Variants in DCBLD2 observed in about 807,000 individuals in gnomAD.
DCBLD2 encodes discoidin, CUB and LCCL domain containing 2.
DCBLD2 carries 54 observed loss-of-function variants against 86.8 expected under a neutral mutation model. The ratio of observed to expected loss-of-function variants is 0.62; its 90% CI spans 0.50 to 0.78. The LOEUF (loss-of-function observed/expected upper bound fraction) is 0.78, where lower values mean the gene tolerates loss of function less well. DCBLD2 is among the 30% of genes least tolerant of loss of function. The pLI is 0.00. For synonymous variants in DCBLD2, 354 were observed against 341.3 expected (o/e 1.04, Z -0.41); for missense variants, 908 against 954.2 (o/e 0.95, Z 0.64).
At chr3:98,854,570 A>C (rs1181068252) in intron 2 of DCBLD2, among the ~76,000 whole-genome samples, 1 of 152,228 alleles carries the variant, frequency 6.6e-6, no homozygotes, top group Admixed American at 6.5e-5. Flanking sequence ...AATGGGACAT[A>C]ACAGATATTT....
At chr3:98,898,494 C>T (rs1424272042) in intron 1 of DCBLD2, among the ~76,000 whole-genome samples, 1 of 151,588 alleles carries the variant, frequency 6.6e-6, no homozygotes, top group Non-Finnish European at 1.5e-5. Flanking sequence ...ATGCGAATTA[C>T]AGAAAATTTA....
intron 2 of DCBLD2, among the ~76,000 whole-genome samples, chr3:98,853,799 C>G (rs1391463586): frequency 6.6e-6 from 1 of 152,184 alleles, no homozygotes; most frequent in Admixed American, 6.5e-5. Flanking sequence ...GAAGCTCATT[C>G]AACTTCCTGA....
At chr3:98,885,342 T>G (rs1943542636) in intron 1 of DCBLD2, among the ~76,000 whole-genome samples, 1 of 152,110 alleles carries the variant, frequency 6.6e-6, no homozygotes, top group Non-Finnish European at 1.5e-5. Flanking sequence ...ATAAATAGCT[T>G]AACTAAGCAC....
chr3:98,839,117 CT>C (rs758970392), intron 3 of DCBLD2, among the ~76,000 whole-genome samples: 60 of 109,082 alleles, frequency 5.5e-4, no homozygotes, highest in African/African-American at 1.7e-3. Context: ...TTCTTTCTTT[CT>C]TTTTCTTTCT....
chr3:98,818,859 G>C (rs1437723462), intron 8 of DCBLD2, among the ~76,000 whole-genome samples: 2 of 152,120 alleles, frequency 1.3e-5, no homozygotes, highest in Non-Finnish European at 2.9e-5. Flanking sequence ...TTGAGGTTTT[G>C]GGACTCGGAA....
chr3:98,841,243 A>T (rs1291767232), intron 3 of DCBLD2, among the ~76,000 whole-genome samples: 1 of 152,216 alleles, frequency 6.6e-6, no homozygotes, highest in Non-Finnish European at 1.5e-5. Flanking sequence ...AGGCAAGCCA[A>T]TAATCAATAA....
chr3:98,861,789 G>T (rs1042766017), intron 2 of DCBLD2, among the ~76,000 whole-genome samples: 2 of 151,944 alleles, frequency 1.3e-5, no homozygotes, highest in African/African-American at 2.4e-5. Flanking sequence ...ATCTAAAATG[G>T]ACACCCTAAC....
intron 3 of DCBLD2, among the ~76,000 whole-genome samples, chr3:98,838,892 C>A (rs1360010590): frequency 2.0e-5 from 3 of 151,894 alleles, no homozygotes; most frequent in African/African-American, 7.3e-5. Flanking sequence ...CAAAACCAGT[C>A]AGGCGTGGCG....
At chr3:98,836,634 C>T (rs1942458470) in intron 3 of DCBLD2, among the ~76,000 whole-genome samples, 2 of 139,792 alleles carry the variant, frequency 1.4e-5, no homozygotes, top group African/African-American at 2.6e-5. Context: ...GGGCGGCTGG[C>T]CGGGCAGAGG....
At chr3:98,834,889 A>G (rs1304316383) in intron 3 of DCBLD2, among the ~76,000 whole-genome samples, 1 of 151,766 alleles carries the variant, frequency 6.6e-6, no homozygotes, top group African/African-American at 2.4e-5. Context: ...GCCTGTCATA[A>G]TCCCAACTGA....
intron 2 of DCBLD2, among the ~76,000 whole-genome samples, chr3:98,869,334 T>C (rs1308642902): frequency 6.6e-6 from 1 of 152,252 alleles, no homozygotes; most frequent in Non-Finnish European, 1.5e-5. Flanking sequence ...CCTTGTAGAT[T>C]ACGGACATTA....
intron 2 of DCBLD2, among the ~76,000 whole-genome samples, chr3:98,876,619 C>G (rs1378249016): frequency 6.6e-6 from 1 of 152,098 alleles, no homozygotes; most frequent in African/African-American, 2.4e-5. Context: ...GAAATGCAAA[C>G]TGGTATAACT....
In DCBLD2 at chr3:98,850,362, A is replaced by C. The variant is rs544856336; in HGVS notation, c.434-764T>G. 3.3e-5 allele frequency among the ~76,000 whole-genome samples: 5 copies of C among 152,304 alleles called. No individual in the cohort carries two copies. In the East Asian group the frequency reaches 5.8e-4, roughly 18 times the overall value. ...AAACAAACATAAATAAATCACAAAAAAATCTCATGTTTTAAGAAAGTTTAT... is the reference window on the plus strand; with the variant it reads ...AAACAAACATAAATAAATCACAAAACAATCTCATGTTTTAAGAAAGTTTAT... On this transcript the variant is annotated intron_variant, in intron 2 of 15. Transcript: ENST00000326840.
chr3:98,880,173 G>A (rs1220630651), intron 2 of DCBLD2, among the ~76,000 whole-genome samples: 2 of 152,166 alleles, frequency 1.3e-5, no homozygotes, highest in African/African-American at 4.8e-5. Context: ...TCAGCAGCCT[G>A]GGAGATAGGG....
At chr3:98,806,959 C>T (rs1941850687) in intron 13 of DCBLD2, among the ~76,000 whole-genome samples, 2 of 152,136 alleles carry the variant, frequency 1.3e-5, no homozygotes, top group South Asian at 4.1e-4. Flanking sequence ...TTTCCTAACT[C>T]ATCTTGCTAA....
At chr3:98,802,901 G>T (rs1442056303) in intron 13 of DCBLD2, among the ~76,000 whole-genome samples, 1 of 152,078 alleles carries the variant, frequency 6.6e-6, no homozygotes, top group East Asian at 1.9e-4. Context: ...CTGTTCCATT[G>T]GTCTATATCT....
chr3:98,881,808 ATTTT>A (rs1559798665), intron 1 of DCBLD2, 41 bp from the exon 2 acceptor site: 2 of 1,559,516 alleles, frequency 1.3e-6, no homozygotes, highest in Middle Eastern at 1.8e-4. Context: ...ATTCTCACAT[ATTTT>A]ACTTCCTCTA....
intron 3 of DCBLD2, among the ~76,000 whole-genome samples, chr3:98,829,322 T>C (rs1348721389): frequency 6.6e-6 from 1 of 152,074 alleles, no homozygotes; most frequent in African/African-American, 2.4e-5. Flanking sequence ...CAAGGGTATA[T>C]GCGCAGGATT....
At chr3:98,873,030 A>T (rs1167147243) in intron 2 of DCBLD2, among the ~76,000 whole-genome samples, 1 of 152,214 alleles carries the variant, frequency 6.6e-6, no homozygotes, top group African/African-American at 2.4e-5. Context: ...CAGACACAGC[A>T]GGATAATGAA....
Sources: gnomAD v4.1 joint callset for allele counts (sites outside exome capture counted in the v4.1 genomes callset) on GRCh38, gnomAD v4.1.1 for gene constraint, MANE v1.5 for transcripts, NCBI Gene and HGNC (gene_info 2026-07-23, HGNC 2026-07-21) for gene names.